The following KAT6B variants were observed in gnomAD, a reference collection of about 807,000 sequenced individuals.
KAT6B encodes the protein histone acetyltransferase KAT6B.
KAT6B carries 10 observed loss-of-function variants against 187.5 expected under a neutral mutation model. The observed-to-expected ratio is 0.05, with a 90% confidence interval of 0.03 to 0.09. The LOEUF is 0.09. Among genes scored for constraint, KAT6B ranks in the 10% least tolerant of loss-of-function variants. The pLI, the probability that KAT6B is intolerant of heterozygous loss-of-function variation, is 1.00. For missense variants in KAT6B, 1,952 were observed against 2,558.9 expected, an observed-to-expected ratio of 0.76 and a Z score of 5.12; for synonymous variants, 861 against 926.8, an observed-to-expected ratio of 0.93 and a Z score of 1.29.
intron 3 of KAT6B, among the ~76,000 whole-genome samples, chr10:74,863,599 A>C (rs538309069): frequency 6.6e-6 from 1 of 152,344 alleles, no homozygotes; most frequent in East Asian, 1.9e-4. Context: ...GAGTGTGGGC[A>C]TCTAATTGAT....
At chr10:74,855,934 TA>T (rs1196973353) in intron 3 of KAT6B, among the ~76,000 whole-genome samples, 2 of 152,206 alleles carry the variant, frequency 1.3e-5, no homozygotes, top group Non-Finnish European at 2.9e-5. Flanking sequence ...TGTTGGAAAC[TA>T]AATTACAAAT....
chr10:74,938,652 A>G (rs1849435517), intron 3 of KAT6B, among the ~76,000 whole-genome samples: 1 of 152,216 alleles, frequency 6.6e-6, no homozygotes, highest in African/African-American at 2.4e-5. Flanking sequence ...AAAAATTTCC[A>G]TGCCCTTGTA....
At chr10:74,971,934 T>C (rs1029577430) in intron 6 of KAT6B, among the ~76,000 whole-genome samples, 7 of 152,200 alleles carry the variant, frequency 4.6e-5, no homozygotes, top group African/African-American at 1.4e-4. Flanking sequence ...CCTTTTGATA[T>C]GCTAAACTTT....
intron 3 of KAT6B, among the ~76,000 whole-genome samples, chr10:74,844,950 C>T (rs544612230): frequency 6.6e-6 from 1 of 152,280 alleles, no homozygotes; most frequent in East Asian, 1.9e-4. Context: ...GGCAGGGTGG[C>T]TCCTGCCTGT....
At chr10:74,982,496 T>C (rs1042311308) in intron 11 of KAT6B, 1 of 155,138 alleles carries the variant, frequency 6.4e-6, no homozygotes, top group African/African-American at 2.4e-5. Context: ...CATTGTGGGT[T>C]TCTTGAAGAC....
At chr10:74,932,745 A>G (rs1589652079) in intron 3 of KAT6B, among the ~76,000 whole-genome samples, 1 of 152,140 alleles carries the variant, frequency 6.6e-6, no homozygotes, top group African/African-American at 2.4e-5. Flanking sequence ...TGAGGATGGT[A>G]TATTTATGAG....
chr10:75,007,775 A>G (rs1204125591), intron 13 of KAT6B, among the ~76,000 whole-genome samples: 1 of 152,200 alleles, frequency 6.6e-6, no homozygotes, highest in African/African-American at 2.4e-5. Context: ...GGGAGGTGAC[A>G]TCCTATGGTA....
At chr10:74,956,006 C>T (rs575974419) in intron 3 of KAT6B, among the ~76,000 whole-genome samples, 1 of 152,138 alleles carries the variant, frequency 6.6e-6, no homozygotes, top group Admixed American at 6.5e-5. Flanking sequence ...TCATTGCAGC[C>T]TCAACTTCCT....
intron 13 of KAT6B, among the ~76,000 whole-genome samples, chr10:74,992,738 T>A (rs946046693): frequency 3.9e-5 from 6 of 152,220 alleles, no homozygotes. Flanking sequence ...ATGTGCTGCT[T>A]GCAGAGTAAG....
At chr10:74,971,749 T>C (rs907620753) in intron 6 of KAT6B, among the ~76,000 whole-genome samples, 1 of 152,190 alleles carries the variant, frequency 6.6e-6, no homozygotes, top group African/African-American at 2.4e-5. Context: ...TATATAAATA[T>C]CCACATATCT....
In KAT6B at chr10:74,975,941, C is replaced by T. The variant is rs754544006; in HGVS notation, c.1604C>T (p.Thr535Ile). 4 of 1,614,166 alleles carry T rather than the reference C, an allele frequency of 2.5e-6. No homozygotes were observed. In the South Asian group the frequency reaches 4.4e-5, roughly 18 times the overall value. ...AGTGTGCCCTCCCTGAGCAGCCTTACCACTAACAGCCAGCTGAAGGCACTC... is the reference window on the plus strand; with the variant it reads ...AGTGTGCCCTCCCTGAGCAGCCTTATCACTAACAGCCAGCTGAAGGCACTC... The part of the protein sequence containing the change: ...QCSVPSLSSL[T>I]TNSQLKALFD... Residue 535 changes from threonine to isoleucine, a missense_variant, in exon 8 of 18, where the codon ACC (threonine) becomes ATC (isoleucine). Thr to Ile is a moderately conservative substitution (Grantham distance 89). Transcript: ENST00000287239.
At chr10:75,015,630 G>A (rs1844926519) in intron 13 of KAT6B, among the ~76,000 whole-genome samples, 1 of 152,184 alleles carries the variant, frequency 6.6e-6, no homozygotes, top group African/African-American at 2.4e-5. Flanking sequence ...GATTTCCTGT[G>A]CTCAAAAGCT....
chr10:74,872,231 A>G (rs1844046834), intron 3 of KAT6B, among the ~76,000 whole-genome samples: 1 of 152,190 alleles, frequency 6.6e-6, no homozygotes, highest in Non-Finnish European at 1.5e-5. Context: ...CAGAACCTGG[A>G]GACAAGAGAA....
rs757042759 is a variant in KAT6B, at chr10:74,843,458, C to T, written c.601C>T (p.Leu201=). Residue 201 remains leucine, a synonymous_variant, in exon 3 of 18, where the codon CTA becomes TTA. Transcript: ENST00000287239. ...FPSSLPPVSL[L]PHEKDQPRAD... ...ATCCTCGCTCCCACCTGTCAGCCTT[C>T]TACCCCATGAGAAAGACCAGGTAAG... 9.3e-6 allele frequency: 15 copies of T among 1,613,644 alleles called. No homozygotes were observed. Among genetic ancestry groups the T allele is most frequent in the Non-Finnish European group, 1.3e-5 (15 of 1,180,034 alleles).
At chr10:74,881,085 A>C (rs2132520489) in intron 3 of KAT6B, among the ~76,000 whole-genome samples, 1 of 146,316 alleles carries the variant, frequency 6.8e-6, no homozygotes, top group South Asian at 2.2e-4. Context: ...AATTTTTGTC[A>C]TTTTAGTAGA....
chr10:74,947,357 G>A (rs1840022490), intron 3 of KAT6B, among the ~76,000 whole-genome samples: 1 of 152,146 alleles, frequency 6.6e-6, no homozygotes, highest in Non-Finnish European at 1.5e-5. Flanking sequence ...GGTTCTAAAT[G>A]TGCAAACATT....
chr10:74,913,724 C>CA (rs1284925980), intron 3 of KAT6B, among the ~76,000 whole-genome samples: 2 of 152,202 alleles, frequency 1.3e-5, no homozygotes, highest in African/African-American at 4.8e-5. Context: ...CTTGTGTGCC[C>CA]ACGGTCCACT....
intron 3 of KAT6B, among the ~76,000 whole-genome samples, chr10:74,865,415 T>C (rs1463947029): frequency 6.6e-6 from 1 of 152,166 alleles, no homozygotes; most frequent in African/African-American, 2.4e-5. Flanking sequence ...TTGGATTGCT[T>C]CCTCTCTACT....
At chr10:74,942,584 G>A (rs1023437111) in intron 3 of KAT6B, among the ~76,000 whole-genome samples, 3 of 151,724 alleles carry the variant, frequency 2.0e-5, no homozygotes, top group Non-Finnish European at 2.9e-5. Flanking sequence ...TGACCAAAAT[G>A]GAGAAACCCT....
Sources: gnomAD v4.1 joint callset for allele counts (sites outside exome capture counted in the v4.1 genomes callset) on GRCh38, gnomAD v4.1.1 for gene constraint, MANE v1.5 for transcripts, NCBI Gene and HGNC (gene_info 2026-07-23, HGNC 2026-07-21) for gene names.